Variants in CSMD1 observed in about 807,000 individuals in gnomAD.
CSMD1 encodes the protein CUB and sushi domain-containing protein 1.
In CSMD1, 213 loss-of-function variants were observed where a neutral mutation model predicts 417.5. The observed-to-expected ratio is 0.51, with a 90% CI of 0.46 to 0.57. The LOEUF (loss-of-function observed/expected upper bound fraction) is 0.57. CSMD1 is among the 20% of genes least tolerant of loss of function. The probability of loss-of-function intolerance (pLI) is 0.00; values close to 1 mark genes in which losing one functional copy is unlikely to be tolerated. For synonymous variants in CSMD1, 2,862 were observed against 1,736.8 expected (o/e 1.65, Z -16.11); for missense variants, 6,923 against 4,529.7 (o/e 1.53, Z -15.17).
chr8:4,261,063 G>A (rs996454151), intron 3 of CSMD1, among the ~76,000 whole-genome samples: 1 of 152,186 alleles, frequency 6.6e-6, no homozygotes, highest in African/African-American at 2.4e-5. Flanking sequence ...TTAGGATTCC[G>A]GATACCTTGT....
intron 3 of CSMD1, among the ~76,000 whole-genome samples, chr8:4,218,109 G>C (rs1359447477): frequency 2.0e-5 from 3 of 152,130 alleles, no homozygotes; most frequent in African/African-American, 7.2e-5. Flanking sequence ...TCGGACATTG[G>C]CGATGACCTT....
At chr8:3,704,738 G>A (rs1801069634) in intron 7 of CSMD1, 1 of 152,162 alleles carries the variant, frequency 6.6e-6, no homozygotes, top group Non-Finnish European at 1.5e-5. Flanking sequence ...CCAGACCACT[G>A]ACCTTGATCT....
At chr8:4,451,064 A>G (rs542214691) in intron 2 of CSMD1, among the ~76,000 whole-genome samples, 26 of 152,296 alleles carry the variant, frequency 1.7e-4, no homozygotes, top group Admixed American at 7.2e-4. Flanking sequence ...TGCTCATTCA[A>G]TAAGTCAGTC....
chr8:4,698,991 G>A (rs1005641162), intron 1 of CSMD1, among the ~76,000 whole-genome samples: 9 of 151,580 alleles, frequency 5.9e-5, no homozygotes, highest in African/African-American at 1.9e-4. Flanking sequence ...CCTTGCCATG[G>A]TCATGCTTTG....
rs36194482 is a variant in CSMD1 at position 4,912,122 on chromosome 8, CAAAAAAAAA to C, written c.85+82201_85+82209del. 1.4e-4 allele frequency among the ~76,000 whole-genome samples: 12 copies of C among 84,594 alleles called. 1 individual carries two copies. Among genetic ancestry groups the C allele is most frequent in the African/African-American group, 4.0e-4 (10 of 25,078 alleles). The allele number at this position is 84,594 out of a possible 152,430, so 55.5% of individuals were successfully genotyped here. A position where few individuals can be genotyped will look rare whatever the true frequency, so the allele number is the denominator to read the frequency against. On this transcript the variant is annotated intron_variant, in intron 1 of 69. Coordinates refer to ENST00000635120, the MANE Select transcript of CSMD1 (RefSeq NM_033225.6). ...ACTTTTCTAGTGCTCAACATAGCTT[CAAAAAAAAA>C]AAAAAAAAAAGAAAGAAAGAAAAGA...
At position 4,177,959 on chromosome 8, in the gene CSMD1, G is replaced by C. The variant is rs116931808; in HGVS notation, c.416-145860C>G. 7.9e-3 allele frequency among the ~76,000 whole-genome samples: 1,210 copies of C among 152,216 alleles called. 6 individuals carry two copies. Among genetic ancestry groups the C allele is most frequent in the Middle Eastern group, 0.014 (4 of 294 alleles). On this transcript the variant is annotated intron_variant, in intron 3 of 69. Coordinates refer to ENST00000635120, the MANE Select transcript of CSMD1 (RefSeq NM_033225.6). The stretch of plus-strand genomic sequence containing the variant: ...ATCAATAGCTTATCAACCAAAAAGA[G>C]TCCAGGATCATATGGACTCACAGCC...
intron 1 of CSMD1, among the ~76,000 whole-genome samples, chr8:4,746,801 A>T (rs1464178218): frequency 6.6e-6 from 1 of 152,204 alleles, no homozygotes; most frequent in Non-Finnish European, 1.5e-5. Context: ...ATCAAAAGAT[A>T]ACTGTGTGGG....
chr8:4,613,602 A>T (rs1801307123), intron 2 of CSMD1, among the ~76,000 whole-genome samples: 2 of 152,068 alleles, frequency 1.3e-5, no homozygotes, highest in African/African-American at 4.8e-5. Flanking sequence ...GACTTTTTTC[A>T]CCCTCTTTTT....
chr8:3,437,087 A>G (rs1814613888), intron 12 of CSMD1, among the ~76,000 whole-genome samples: 1 of 152,170 alleles, frequency 6.6e-6, no homozygotes, highest in South Asian at 2.1e-4. Context: ...GAAAAACTTC[A>G]AAGACTGAAG....
intron 5 of CSMD1, among the ~76,000 whole-genome samples, chr8:3,915,972 T>A (rs1808795052): frequency 6.6e-6 from 1 of 151,426 alleles, no homozygotes; most frequent in African/African-American, 2.4e-5. Context: ...CTGGAAGCAT[T>A]TGAGTGAGAT....
At chr8:4,298,155 A>C (rs532991076) in intron 3 of CSMD1, among the ~76,000 whole-genome samples, 1 of 152,298 alleles carries the variant, frequency 6.6e-6, no homozygotes, top group Non-Finnish European at 1.5e-5. Context: ...ATAGAAGAAA[A>C]GTTTAGAAAA....
chr8:4,004,771 G>A lies in CSMD1; in HGVS notation c.611-6661C>T, dbSNP rs190892085. On this transcript the variant is annotated intron_variant, in intron 4 of 69. Transcript: ENST00000635120. ...TGTTTTGTTTTGTTTTTGAGATGGCGTCTCACTCTGTTGCCCAGGCTGGAG... is the reference window on the plus strand; with the variant it reads ...TGTTTTGTTTTGTTTTTGAGATGGCATCTCACTCTGTTGCCCAGGCTGGAG... 3.5e-3 allele frequency among the ~76,000 whole-genome samples: 530 copies of A among 152,072 alleles called. 7 individuals are homozygous for A. The highest frequency in any genetic ancestry group is 0.03 in the South Asian group (145 of 4,812).
intron 1 of CSMD1, among the ~76,000 whole-genome samples, chr8:4,801,838 G>C (rs1269858163): frequency 3.3e-5 from 5 of 152,182 alleles, no homozygotes; most frequent in Admixed American, 1.3e-4. Context: ...ACAAAGGATA[G>C]AATTATTGTT....
intron 51 of CSMD1, among the ~76,000 whole-genome samples, chr8:3,025,099 T>A (rs893910961): frequency 1.3e-5 from 2 of 150,174 alleles, no homozygotes; most frequent in Non-Finnish European, 2.9e-5. Flanking sequence ...ATTCTGAAAC[T>A]GTGTATTGTG....
At chr8:4,978,434 G>C (rs950418340) in intron 1 of CSMD1, among the ~76,000 whole-genome samples, 1 of 152,122 alleles carries the variant, frequency 6.6e-6, no homozygotes, top group East Asian at 1.9e-4. Flanking sequence ...TTAAGTCAAA[G>C]AATTGGGCCC....
chr8:4,002,901 T>C (rs1815802846), intron 4 of CSMD1, among the ~76,000 whole-genome samples: 1 of 152,204 alleles, frequency 6.6e-6, no homozygotes, highest in Admixed American at 6.5e-5. Context: ...ATATAATATA[T>C]GGTCTCAAAT....
At chr8:3,555,647 G>A (rs2116814880) in intron 10 of CSMD1, among the ~76,000 whole-genome samples, 1 of 152,280 alleles carries the variant, frequency 6.6e-6, no homozygotes, top group South Asian at 2.1e-4. Flanking sequence ...AAATATGGAA[G>A]TACATGTACA....
At chr8:4,109,954 A>C (rs778760120) in intron 3 of CSMD1, among the ~76,000 whole-genome samples, 13 of 152,150 alleles carry the variant, frequency 8.5e-5, no homozygotes, top group Non-Finnish European at 1.3e-4. Flanking sequence ...TTGGTGAATA[A>C]TACTCTATGA....
chr8:3,801,287 A>G (rs969059036), intron 5 of CSMD1, among the ~76,000 whole-genome samples: 24 of 152,310 alleles, frequency 1.6e-4, no homozygotes, highest in African/African-American at 5.8e-4. Flanking sequence ...TAACAATTAA[A>G]AATTGGGAAA....
Sources: gnomAD v4.1 joint callset for allele counts (sites outside exome capture counted in the v4.1 genomes callset) on GRCh38, gnomAD v4.1.1 for gene constraint, MANE v1.5 for transcripts, NCBI Gene and HGNC (gene_info 2026-07-23, HGNC 2026-07-21) for gene names.